C5: variants seen among roughly 807,000 people sequenced by gnomAD.
The protein encoded by C5 is complement C5, also known as C3 and PZP-like alpha-2-macroglobulin domain-containing protein 4.
Under a neutral mutation model 218.8 loss-of-function variants are expected in C5, and 140 were observed. The ratio of observed to expected loss-of-function variants is 0.64; its 90% CI spans 0.56 to 0.74. The LOEUF (loss-of-function observed/expected upper bound fraction) is 0.74. Among genes scored for constraint, C5 ranks in the 30% least tolerant of loss-of-function variants. The pLI is 0.00. For missense variants in C5, 1,700 were observed against 1,969.6 expected (o/e 0.86, Z 2.59); for synonymous variants, 614 against 682.3 (o/e 0.90, Z 1.56).
At chr9:121,047,478 C>T (rs1340088718) in intron 1 of C5, among the ~76,000 whole-genome samples, 4 of 151,984 alleles carry the variant, frequency 2.6e-5, no homozygotes, top group African/African-American at 7.3e-5. Context: ...ATTTGAATAG[C>T]GAGAACTACA....
chr9:121,047,491 C>T (rs929256159), intron 1 of C5, among the ~76,000 whole-genome samples: 24 of 152,130 alleles, frequency 1.6e-4, no homozygotes, highest in South Asian at 4.2e-4. Flanking sequence ...GAACTACATA[C>T]GCTATTACAT....
intron 28 of C5, among the ~76,000 whole-genome samples, chr9:120,978,961 G>A (rs796819706): frequency 7.2e-5 from 11 of 152,296 alleles, no homozygotes; most frequent in African/African-American, 2.6e-4. Flanking sequence ...ACTAGGGTAT[G>A]TGGCCGGGGG....
At chr9:121,003,015 G>A (rs190541665) in intron 20 of C5, among the ~76,000 whole-genome samples, 28 of 152,206 alleles carry the variant, frequency 1.8e-4, no homozygotes, top group Admixed American at 1.7e-3. Context: ...AATACTGGCC[G>A]GGAACAGTGG....
chr9:121,072,480 C>A, the C5 span, among the ~76,000 whole-genome samples: 1 of 152,096 alleles, frequency 6.6e-6, no homozygotes, highest in Non-Finnish European at 1.5e-5. Context: ...ACATTCCAAT[C>A]TAATAAATAT....
At chr9:120,986,517 C>T (rs2131705739) in intron 25 of C5, among the ~76,000 whole-genome samples, 1 of 150,538 alleles carries the variant, frequency 6.6e-6, no homozygotes, top group African/African-American at 2.5e-5. Context: ...TCTTCTATGT[C>T]TATTATTTCT....
chr9:120,995,336 A>G (rs879118155), intron 22 of C5, among the ~76,000 whole-genome samples: 1 of 152,226 alleles, frequency 6.6e-6, no homozygotes, highest in South Asian at 2.1e-4. Flanking sequence ...GCATTTAATA[A>G]GAACTGCAGT....
the C5 span, among the ~76,000 whole-genome samples, chr9:121,066,996 T>C: frequency 6.6e-6 from 1 of 152,098 alleles, no homozygotes. Flanking sequence ...CTGGGCATGA[T>C]GGCTCATGCC....
intron 9 of C5, among the ~76,000 whole-genome samples, chr9:121,024,558 C>T (rs2047403081): frequency 6.6e-6 from 1 of 152,038 alleles, no homozygotes; most frequent in Non-Finnish European, 1.5e-5. Context: ...GATCTGCTGT[C>T]CTCAAAGATT....
rs755009892 is a variant in C5 at position 121,008,510 on chromosome 9, A to C, written c.2258-12T>G. ...CAGGGTCTTCATGTCTGGACAAAAA[A>C]ATCATATTCAATTATGGAAAAACAA... is the stretch of plus-strand genomic sequence containing the variant. On this transcript the variant is annotated splice_polypyrimidine_tract_variant and intron_variant, in intron 17 of 40. Coordinates refer to ENST00000223642, the MANE Select transcript of C5 (RefSeq NM_001735.3). The C allele has an allele frequency of 6.4e-7, 1 of 1,563,082 alleles. No homozygotes were observed. The highest frequency in any genetic ancestry group is 2.2e-5 in the East Asian group (1 of 44,586).
chr9:121,037,802 T>A, intron 4 of C5, 79 bp downstream of exon 4: 1 of 664,190 alleles, frequency 1.5e-6, no homozygotes, highest in Non-Finnish European at 2.7e-6. Context: ...TTTAGTGTAG[T>A]GTGAGGACAG....
intron 33 of C5, among the ~76,000 whole-genome samples, chr9:120,965,195 T>G (rs990027733): frequency 6.6e-6 from 1 of 152,272 alleles, no homozygotes; most frequent in East Asian, 1.9e-4. Flanking sequence ...GGTCAGGGCA[T>G]ATCTTTTCCT....
intron 16 of C5, 40 bp from the exon 17 acceptor site, chr9:121,014,110 G>A: frequency 6.4e-7 from 1 of 1,551,056 alleles, no homozygotes; most frequent in Non-Finnish European, 8.9e-7. Context: ...ATGACGCAGA[G>A]TGATAACATC....
At chr9:120,997,984 G>A (rs974764515) in intron 20 of C5, among the ~76,000 whole-genome samples, 2 of 152,020 alleles carry the variant, frequency 1.3e-5, no homozygotes, top group African/African-American at 2.4e-5. Context: ...TGTATTTTTA[G>A]TAGAGGCACG....
intron 37 of C5, among the ~76,000 whole-genome samples, chr9:120,961,018 C>T (rs145147259): frequency 1.3e-5 from 2 of 152,220 alleles, no homozygotes; most frequent in East Asian, 3.9e-4. Context: ...CCTCATGGAG[C>T]CAGCTGTTGA....
At chr9:121,029,528 T>C (rs552132087) in intron 7 of C5, among the ~76,000 whole-genome samples, 3 of 152,340 alleles carry the variant, frequency 2.0e-5, no homozygotes, top group African/African-American at 7.2e-5. Context: ...CCCACACATA[T>C]AGTTATATAG....
chr9:121,011,690 C>T (rs1227385255), intron 17 of C5, among the ~76,000 whole-genome samples: 1 of 152,166 alleles, frequency 6.6e-6, no homozygotes, highest in Non-Finnish European at 1.5e-5. Flanking sequence ...TTTGTTGCTG[C>T]ACTGTTAAAA....
chr9:121,019,286 T>G (rs147094998), intron 12 of C5, among the ~76,000 whole-genome samples: 72 of 152,334 alleles, frequency 4.7e-4, no homozygotes, highest in African/African-American at 1.6e-3. Flanking sequence ...TCCTCATTAC[T>G]GTTTTTTCAA....
intron 34 of C5, 104 bp downstream of exon 34, chr9:120,963,532 C>T: frequency 1.2e-6 from 1 of 844,406 alleles, no homozygotes; most frequent in Non-Finnish European, 1.9e-6. Context: ...CTGGGTGATT[C>T]TATAAAAGTG....
chr9:120,991,347 A>G (rs1372881780), intron 22 of C5, 67 bp from the exon 23 acceptor site: 2 of 845,968 alleles, frequency 2.4e-6, no homozygotes, highest in Non-Finnish European at 4.1e-6. Flanking sequence ...ATTATTTATA[A>G]TGTATCTACT....
Sources: allele counts gnomAD v4.1 joint callset (sites outside exome capture counted in the v4.1 genomes callset), GRCh38; gene constraint gnomAD v4.1.1; transcripts MANE v1.5; gene names NCBI Gene and HGNC (gene_info 2026-07-23, HGNC 2026-07-21).